Variants in TBC1D5 observed in about 807,000 individuals in gnomAD.
The protein encoded by TBC1D5 is TBC1 domain family, member 5.
In TBC1D5, 75 loss-of-function variants were observed where a neutral mutation model predicts 100.3. The observed-to-expected ratio is 0.75, with a 90% CI of 0.62 to 0.91. The LOEUF (loss-of-function observed/expected upper bound fraction) is 0.91. Among genes scored for constraint, TBC1D5 ranks in the 40% least tolerant of loss-of-function variants. The probability of loss-of-function intolerance (pLI) is 0.00; values close to 1 mark genes in which losing one functional copy is unlikely to be tolerated. For missense variants in TBC1D5, 910 were observed against 942.4 expected (o/e 0.97, Z 0.45); for synonymous variants, 323 against 325.6 (o/e 0.99, Z 0.09).
chr3:17,569,774 T>A (rs1381939862), intron 2 of TBC1D5, among the ~76,000 whole-genome samples: 1 of 151,248 alleles, frequency 6.6e-6, no homozygotes. Context: ...TATATTTATA[T>A]ATTTGTAAAT....
chr3:17,530,743 T>C (rs1288706183), intron 2 of TBC1D5, among the ~76,000 whole-genome samples: 1 of 152,172 alleles, frequency 6.6e-6, no homozygotes, highest in African/African-American at 2.4e-5. Flanking sequence ...CACACGATTA[T>C]CTCAATAGAT....
upstream of TBC1D5, among the ~76,000 whole-genome samples, chr3:17,741,800 ATTTTTTTT>A (rs779385615): frequency 1.3e-4 from 6 of 47,954 alleles, no homozygotes; most frequent in East Asian, 2.4e-3. Context: ...CTCCCTGCGA[ATTTTTTTT>A]TTTTTTTTTT....
chr3:17,739,657 G>C (rs968111897), exon 1 of TBC1D5: 1 of 152,246 alleles, frequency 6.6e-6, no homozygotes, highest in Non-Finnish European at 1.5e-5. Context: ...ACTCAGAAAA[G>C]ATTACAAGCA....
intron 13 of TBC1D5, among the ~76,000 whole-genome samples, chr3:17,347,451 T>C (rs777561567): frequency 2.2e-4 from 34 of 152,124 alleles, no homozygotes; most frequent in Admixed American, 8.5e-4. Flanking sequence ...ATATAGATAA[T>C]TGAGAACTAA....
intron 18 of TBC1D5, among the ~76,000 whole-genome samples, chr3:17,195,597 C>T (rs929756883): frequency 6.6e-6 from 1 of 152,172 alleles, no homozygotes; most frequent in Non-Finnish European, 1.5e-5. Context: ...ACAACTTATT[C>T]TCTGGGCTAA....
intron 3 of TBC1D5, among the ~76,000 whole-genome samples, chr3:17,469,697 C>T (rs2095350769): frequency 6.6e-6 from 1 of 152,220 alleles, no homozygotes; most frequent in Non-Finnish European, 1.5e-5. Context: ...TATTTATCAG[C>T]CTCACATGCT....
At chr3:17,674,073 T>C (rs2068310647) in intron 1 of TBC1D5, among the ~76,000 whole-genome samples, 1 of 152,220 alleles carries the variant, frequency 6.6e-6, no homozygotes, top group African/African-American at 2.4e-5. Context: ...TCCATTTTCT[T>C]TGTTATGTGA....
intron 1 of TBC1D5, among the ~76,000 whole-genome samples, chr3:17,629,251 CAT>C (rs1191489272): frequency 2.0e-5 from 3 of 151,932 alleles, no homozygotes; most frequent in Non-Finnish European, 4.4e-5. Context: ...GAAGAGTAGA[CAT>C]AAATGGTAAT....
At position 17,403,171 on chromosome 3, in the gene TBC1D5, T is replaced by A; in HGVS notation, c.509+10A>T. On this transcript the variant is annotated intron_variant, in intron 8 of 21. Transcript: ENST00000253692. ...ATTATTGAAAGTAACATGTAAATAG[T>A]TCTACATACGTTCTTTTGACATCTT... 1 of 1,570,412 alleles carries A rather than the reference T, an allele frequency of 6.4e-7. No individual in the cohort carries two copies. The highest frequency in any genetic ancestry group is 8.7e-7 in the Non-Finnish European group (1 of 1,153,390).
At chr3:17,436,643 G>A (rs191852522) in intron 3 of TBC1D5, among the ~76,000 whole-genome samples, 2 of 152,082 alleles carry the variant, frequency 1.3e-5, no homozygotes, top group Non-Finnish European at 1.5e-5. Flanking sequence ...GAGAATGCAG[G>A]ATATAGTAAA....
intron 1 of TBC1D5, among the ~76,000 whole-genome samples, chr3:17,654,675 A>C (rs1420282119): frequency 1.3e-5 from 2 of 152,202 alleles, no homozygotes; most frequent in African/African-American, 4.8e-5. Flanking sequence ...CTGGCCTCAT[A>C]AAATGAGTTA....
intron 3 of TBC1D5, among the ~76,000 whole-genome samples, chr3:17,476,436 T>C (rs940543606): frequency 6.6e-6 from 1 of 152,008 alleles, no homozygotes; most frequent in Non-Finnish European, 1.5e-5. Context: ...AGCTCTGTCA[T>C]GTATTTGGTT....
At chr3:17,212,128 T>G (rs1271630687) in intron 18 of TBC1D5, among the ~76,000 whole-genome samples, 1 of 152,224 alleles carries the variant, frequency 6.6e-6, no homozygotes, top group Non-Finnish European at 1.5e-5. Flanking sequence ...AGCTAGATCC[T>G]TTTCTGTATT....
In TBC1D5 at chr3:17,597,827, C is replaced by T. The variant is rs143144455; in HGVS notation, c.-36+26022G>A. On this transcript the variant is annotated intron_variant, in intron 2 of 21. Transcript: ENST00000253692. ...GCTCCATGCAGAACAAAAACTAATG[C>T]ATGTATAATGTAAAACGAGAATTTT... Among the ~76,000 whole-genome samples, 7 of 152,226 alleles carry T rather than the reference C, an allele frequency of 4.6e-5. No homozygotes were observed. In the East Asian group the frequency reaches 1.4e-3, roughly 29 times the overall value.
chr3:17,508,402 C>T, intron 3 of TBC1D5, 72 bp downstream of exon 3: 2 of 1,172,612 alleles, frequency 1.7e-6, no homozygotes, highest in East Asian at 2.4e-5. Flanking sequence ...AAGGTGGACA[C>T]AGCTAACTGA....
intron 13 of TBC1D5, among the ~76,000 whole-genome samples, chr3:17,356,793 G>T (rs1376961689): frequency 6.6e-6 from 1 of 152,054 alleles, no homozygotes; most frequent in African/African-American, 2.4e-5. Flanking sequence ...CACACCCTGG[G>T]GTTCTGAAAT....
At chr3:17,704,660 C>A (rs1414474942) in intron 1 of TBC1D5, among the ~76,000 whole-genome samples, 5 of 71,374 alleles carry the variant, frequency 7.0e-5, no homozygotes, top group South Asian at 6.9e-4. Context: ...CCGACCCCCC[C>A]ACCTCCCTCC....
chr3:17,647,668 G>A (rs1384146215), intron 1 of TBC1D5, among the ~76,000 whole-genome samples: 1 of 152,158 alleles, frequency 6.6e-6, no homozygotes, highest in African/African-American at 2.4e-5. Context: ...CAGAATTAGT[G>A]CAGATGAGGT....
At chr3:17,525,356 C>T (rs2096120466) in intron 2 of TBC1D5, among the ~76,000 whole-genome samples, 1 of 152,196 alleles carries the variant, frequency 6.6e-6, no homozygotes, top group Non-Finnish European at 1.5e-5. Context: ...ATCTTGAACT[C>T]CTGATGTCAG....
Sources: gnomAD v4.1 joint callset for allele counts (sites outside exome capture counted in the v4.1 genomes callset) on GRCh38, gnomAD v4.1.1 for gene constraint, MANE v1.5 for transcripts, NCBI Gene and HGNC (gene_info 2026-07-23, HGNC 2026-07-21) for gene names.